The following KIRREL3 variants were observed in gnomAD, a reference collection of about 807,000 sequenced individuals.
The protein encoded by KIRREL3 is kin of IRRE-like protein 3.
Under a neutral mutation model 89.7 loss-of-function variants are expected in KIRREL3, and 36 were observed. That is an observed-to-expected ratio of 0.40 (90% CI 0.31 to 0.53). The LOEUF (loss-of-function observed/expected upper bound fraction) is 0.53. Among genes scored for constraint, KIRREL3 ranks in the 20% least tolerant of loss-of-function variants. The pLI is 0.49. For missense variants in KIRREL3, 864 were observed against 1,056.6 expected (o/e 0.82, Z 2.53); for synonymous variants, 445 against 441.4 (o/e 1.01, Z -0.10).
At chr11:126,964,179 G>A (rs1006806027) in intron 1 of KIRREL3, among the ~76,000 whole-genome samples, 4 of 152,164 alleles carry the variant, frequency 2.6e-5, no homozygotes, top group Non-Finnish European at 5.9e-5. Flanking sequence ...GCTATTGAAT[G>A]ACTAAATCTG....
chr11:126,528,225 T>C lies in KIRREL3; in HGVS notation c.134-1538A>G, dbSNP rs538660912. ...CGCTCCAGCTGCTGATGCTGTGGCC[T>C]CTCCTCCCCAACCCGGGAGAGTCAG... On this transcript the variant is annotated intron_variant, in intron 2 of 16. Transcript: ENST00000525144. This position sits in a 1 kb window ranked among gnomAD's most constrained non-coding sequence, Gnocchi z 4.6. Among the ~76,000 whole-genome samples, 314 of 152,286 alleles carry C rather than the reference T, an allele frequency of 2.1e-3. No individual in the cohort carries two copies. Among genetic ancestry groups the C allele is most frequent in the African/African-American group, 6.9e-3 (288 of 41,552 alleles).
chr11:126,854,165 G>T (rs902644616), intron 1 of KIRREL3, among the ~76,000 whole-genome samples: 2 of 117,390 alleles, frequency 1.7e-5, no homozygotes, highest in African/African-American at 6.5e-5. Flanking sequence ...TGTGTATGTG[G>T]TGTGTGGTTT....
intron 1 of KIRREL3, among the ~76,000 whole-genome samples, chr11:126,700,459 T>C (rs1030417089): frequency 2.0e-5 from 3 of 152,232 alleles, no homozygotes; most frequent in African/African-American, 7.2e-5. Context: ...CCACATACAA[T>C]TATTAGATTG....
At chr11:126,517,347 G>A (rs894463812) in intron 4 of KIRREL3, among the ~76,000 whole-genome samples, 6 of 152,208 alleles carry the variant, frequency 3.9e-5, no homozygotes, top group African/African-American at 1.4e-4. Flanking sequence ...CAGTTAGTGA[G>A]CAGCAAGAGC....
In KIRREL3 at chr11:126,562,642, C is replaced by T. The variant is rs1940211441; in HGVS notation, c.133+193G>A. 6.6e-6 allele frequency among the ~76,000 whole-genome samples: 1 copy of T among 152,146 alleles called. No homozygotes were observed. Among genetic ancestry groups the T allele is most frequent in the African/African-American group, 2.4e-5 (1 of 41,426 alleles). On this transcript the variant is annotated intron_variant, in intron 2 of 16. Transcript: ENST00000525144. The surrounding 1 kb of genome is among the most constrained non-coding windows in gnomAD (Gnocchi z 4.7). ...AAAGAAAATGCCCCTGAATCAGCAT[C>T]CTGTGTTTCAGGCATTCACTATGCT...
intron 1 of KIRREL3, among the ~76,000 whole-genome samples, chr11:126,726,519 C>T (rs4489759): frequency 0.8 from 121,111 of 152,102 alleles, 48,813 homozygotes; most frequent in East Asian, 0.99. Context: ...AGGCATGCAC[C>T]GCCACGCCTG....
intron 1 of KIRREL3, among the ~76,000 whole-genome samples, chr11:126,577,149 C>T (rs1052445695): frequency 5.9e-5 from 9 of 152,136 alleles, no homozygotes; most frequent in Admixed American, 3.3e-4. Context: ...GTCTTAGCCG[C>T]GTTTCCTATC....
chr11:126,974,414 T>C (rs567779720), intron 1 of KIRREL3, among the ~76,000 whole-genome samples: 4 of 151,758 alleles, frequency 2.6e-5, no homozygotes, highest in Non-Finnish European at 4.4e-5. Flanking sequence ...TGGTGTAGCC[T>C]ATTACACACC....
rs1330709983 is a variant in KIRREL3 at position 126,995,496 on chromosome 11, G to A, written c.55+4959C>T. ...TCATCTCGACAATTTACAAGGATAA[G>A]GATTGTAGCTGCAAAATAATGCCTA... On this transcript the variant is annotated intron_variant, in intron 1 of 16. Coordinates refer to ENST00000525144, the MANE Select transcript of KIRREL3 (RefSeq NM_032531.4). This position sits in a 1 kb window ranked among gnomAD's most constrained non-coding sequence, Gnocchi z 6.5. 1 of 364,818 alleles carries A rather than the reference G, an allele frequency of 2.7e-6. No individual in the cohort carries two copies. Among genetic ancestry groups the A allele is most frequent in the Non-Finnish European group, 5.4e-6 (1 of 186,024 alleles). The allele number at this position is 364,818 out of a possible 1,614,324, so 22.6% of individuals were successfully genotyped here. A position where few individuals can be genotyped will look rare whatever the true frequency, so the allele number is the denominator to read the frequency against.
At chr11:126,688,739 T>A (rs1946760651) in intron 1 of KIRREL3, among the ~76,000 whole-genome samples, 1 of 152,208 alleles carries the variant, frequency 6.6e-6, no homozygotes, top group South Asian at 2.1e-4. Flanking sequence ...GCCCTGTTGC[T>A]GTCCCAGTTT....
intron 1 of KIRREL3, among the ~76,000 whole-genome samples, chr11:126,779,837 T>A (rs1950273613): frequency 6.6e-6 from 1 of 152,164 alleles, no homozygotes; most frequent in African/African-American, 2.4e-5. Flanking sequence ...CATGAACTGA[T>A]ATACATAATA....
In KIRREL3 at chr11:126,594,043, A is replaced by G. The variant is rs1212645612; in HGVS notation, c.56-31131T>C. 3.9e-5 allele frequency among the ~76,000 whole-genome samples: 6 copies of G among 152,128 alleles called. No individual in the cohort carries two copies. The highest frequency in any genetic ancestry group is 1.4e-4 in the African/African-American group (6 of 41,420). On this transcript the variant is annotated intron_variant, in intron 1 of 16. Coordinates refer to ENST00000525144, the MANE Select transcript of KIRREL3 (RefSeq NM_032531.4). The surrounding 1 kb of genome is among the most constrained non-coding windows in gnomAD (Gnocchi z 5.0). Reference sequence around the variant, plus strand: ...ACTCCTGCCTTTCACTTTCTGCTTTATTGGGGAAAAGAAATCACATCCCCA... The same window carrying G: ...ACTCCTGCCTTTCACTTTCTGCTTTGTTGGGGAAAAGAAATCACATCCCCA...
Position 126,474,992 on chromosome 11 carries a change from TC to T in KIRREL3, c.434-1527del, listed in dbSNP as rs982457806. 1.3e-5 allele frequency among the ~76,000 whole-genome samples: 2 copies of T among 152,188 alleles called. No homozygotes were observed. Among genetic ancestry groups the T allele is most frequent in the Non-Finnish European group, 2.9e-5 (2 of 67,974 alleles). On this transcript the variant is annotated intron_variant, in intron 4 of 16. Coordinates refer to ENST00000525144, the MANE Select transcript of KIRREL3 (RefSeq NM_032531.4). The surrounding 1 kb of genome is among the most constrained non-coding windows in gnomAD (Gnocchi z 6.7). ...GACTGTCCTCTGAGGAATCCCTGTT[TC>T]CCTTACCCCAGGAGGAGCTGGGCCC...
At chr11:126,871,866 C>T (rs923357578) in intron 1 of KIRREL3, among the ~76,000 whole-genome samples, 3 of 152,196 alleles carry the variant, frequency 2.0e-5, no homozygotes, top group African/African-American at 7.2e-5. Context: ...AACAAAGAAA[C>T]CCCCAGTGCC....
chr11:126,733,458 C>T (rs546370361), intron 1 of KIRREL3, among the ~76,000 whole-genome samples: 15 of 152,298 alleles, frequency 9.8e-5, no homozygotes, highest in African/African-American at 2.6e-4. Flanking sequence ...CAGTTTGCAT[C>T]TTAGGAAGGA....
In KIRREL3 at chr11:126,570,296, A is replaced by G. The variant is rs966906112; in HGVS notation, c.56-7384T>C. Among the ~76,000 whole-genome samples, 14 of 152,318 alleles carry G rather than the reference A, an allele frequency of 9.2e-5. No individual in the cohort carries two copies. Among genetic ancestry groups the G allele is most frequent in the African/African-American group, 3.1e-4 (13 of 41,570 alleles). On this transcript the variant is annotated intron_variant, in intron 1 of 16. Coordinates refer to ENST00000525144, the MANE Select transcript of KIRREL3 (RefSeq NM_032531.4). The surrounding 1 kb of genome is among the most constrained non-coding windows in gnomAD (Gnocchi z 6.1). ...TTATACTAGAACTAAGTTTTTCCCC[A>G]TTCATATTATCAATTAGTTGTTTTA...
In KIRREL3 at chr11:126,908,864, G is replaced by A. The variant is rs975420106; in HGVS notation, c.55+91591C>T. On this transcript the variant is annotated intron_variant, in intron 1 of 16. Transcript: ENST00000525144. This position sits in a 1 kb window ranked among gnomAD's most constrained non-coding sequence, Gnocchi z 4.2. ...GATCCTCTTGGGTATCACAATCTGC[G>A]GACGCTCGAGTCTCTGATATAAAGT... Among the ~76,000 whole-genome samples, 5 of 152,068 alleles carry A rather than the reference G, an allele frequency of 3.3e-5. No homozygotes were observed. Among genetic ancestry groups the A allele is most frequent in the South Asian group, 2.1e-4 (1 of 4,802 alleles).
intron 1 of KIRREL3, among the ~76,000 whole-genome samples, chr11:126,866,769 G>A (rs1033237754): frequency 1.3e-5 from 2 of 152,088 alleles, no homozygotes; most frequent in South Asian, 2.1e-4. Flanking sequence ...CGAGAATGAC[G>A]CAGACGCGAG....
intron 1 of KIRREL3, among the ~76,000 whole-genome samples, chr11:126,968,746 C>T (rs1565465164): frequency 6.6e-6 from 1 of 152,084 alleles, no homozygotes; most frequent in Non-Finnish European, 1.5e-5. Context: ...TCACTCAATC[C>T]CAGGTGCAGG....
Sources: gnomAD v4.1 joint callset for allele counts (sites outside exome capture counted in the v4.1 genomes callset) on GRCh38, gnomAD v4.1.1 for gene constraint, Gnocchi (gnomAD v3.1) non-coding constraint, MANE v1.5 for transcripts, NCBI Gene and HGNC (gene_info 2026-07-23, HGNC 2026-07-21) for gene names.